Variants in OR14J1 observed in about 807,000 individuals in gnomAD.
OR14J1 encodes the protein olfactory receptor 14J1.
For synonymous variants in OR14J1, 140 were observed against 146.7 expected, an observed-to-expected ratio of 0.95 and a Z score of 0.33; for missense variants, 378 against 393.4, an observed-to-expected ratio of 0.96 and a Z score of 0.33.
In OR14J1 at chr6:29,312,401, T is replaced by C. The variant is rs771867847; in HGVS notation, c.*4746T>C. On this transcript the variant is annotated 3_prime_UTR_variant, in exon 2 of 2. Coordinates refer to ENST00000641895, the MANE Select transcript of OR14J1 (RefSeq NM_030946.2). ...ACTGTTCTGTGGTTTGCGAAATCCA[T>C]GGGAAAAGCGTAGTATCTGGGCTGG... 3.1e-4 allele frequency: 54 copies of C among 173,576 alleles called. 1 individual carries two copies. Among genetic ancestry groups the C allele is most frequent in the Non-Finnish European group, 3.4e-4 (29 of 84,948 alleles). 10.8% of individuals were successfully genotyped at this position (173,576 alleles called of 1,614,324 possible). A position where few individuals can be genotyped will look rare whatever the true frequency, so the allele number is the denominator to read the frequency against.
intron 1 of OR14J1, among the ~76,000 whole-genome samples, chr6:29,303,189 A>G (rs1170404018): frequency 6.6e-6 from 1 of 152,240 alleles, no homozygotes; most frequent in Non-Finnish European, 1.5e-5. Context: ...TGTCTTCTTT[A>G]AAAGGCACAG....
chr6:29,307,558 T>G lies in OR14J1; in HGVS notation c.869T>G (p.Leu290Ter). The change falls in exon 2 of 2, where the codon TTA becomes TGA. Residue 290 changes from leucine (L) to a stop codon, truncating the protein, a stop_gained. Transcript: ENST00000641895. LOFTEE classifies it low-confidence loss of function (END_TRUNC). ...ACACTCAATCCAGTCATTTATAGCT[T>G]ACGGAATGATTCCATGAAGGCAGCA... ...PPTLNPVIYS[L>*]RNDSMKAALR... 6.2e-7 allele frequency: 1 copy of G among 1,612,794 alleles called. No individual in the cohort carries two copies. Among genetic ancestry groups the G allele is most frequent in the Non-Finnish European group, 8.5e-7 (1 of 1,180,002 alleles).
rs759807793 is a variant in OR14J1, at chr6:29,307,560, C to CTT, written c.871_872insTT (p.Arg291LeufsTer6). The stretch of plus-strand genomic sequence containing the variant: ...ACTCAATCCAGTCATTTATAGCTTA[C>CTT]GGAATGATTCCATGAAGGCAGCACT... On this transcript the variant is annotated frameshift_variant, in exon 2 of 2. Coordinates refer to ENST00000641895, the MANE Select transcript of OR14J1 (RefSeq NM_030946.2). LOFTEE classifies it low-confidence loss of function (END_TRUNC). 1 of 1,612,606 alleles carries CTT rather than the reference C, an allele frequency of 6.2e-7. No individual in the cohort carries two copies. The highest frequency in any genetic ancestry group is 1.3e-5 in the African/African-American group (1 of 74,986).
At position 29,312,025 on chromosome 6, in the gene OR14J1, G is replaced by A. The variant is rs1775550845; in HGVS notation, c.*4370G>A. On this transcript the variant is annotated 3_prime_UTR_variant, in exon 2 of 2. Coordinates refer to ENST00000641895, the MANE Select transcript of OR14J1 (RefSeq NM_030946.2). Reference sequence around the variant, plus strand: ...GTCTTCTTTATTAGTCTGGCTAGCAGTCTACTTTGTTAATTATTTCAAAAA... The same window carrying A: ...GTCTTCTTTATTAGTCTGGCTAGCAATCTACTTTGTTAATTATTTCAAAAA... The A allele has an allele frequency of 6.6e-6, 1 of 151,982 alleles. No homozygotes were observed. The highest frequency in any genetic ancestry group is 1.5e-5 in the Non-Finnish European group (1 of 67,980). 9.4% of individuals were successfully genotyped at this position (151,982 alleles called of 1,614,324 possible).
chr6:29,305,731 AT>A (rs34286314), intron 1 of OR14J1, among the ~76,000 whole-genome samples: 14,559 of 149,448 alleles, frequency 0.097, 785 homozygotes, highest in South Asian at 0.14. Context: ...TCTGGTATAG[AT>A]TTTTTTTTTG....
chr6:29,304,651 T>G (rs1774957372), intron 1 of OR14J1, among the ~76,000 whole-genome samples: 1 of 152,176 alleles, frequency 6.6e-6, no homozygotes, highest in African/African-American at 2.4e-5. Flanking sequence ...AATTTTCCAT[T>G]TATTAATCAG....
chr6:29,309,226 T>A lies in OR14J1; in HGVS notation c.*1571T>A, dbSNP rs954877269. 4 of 152,206 alleles carry A rather than the reference T, an allele frequency of 2.6e-5. No individual in the cohort carries two copies. The highest frequency in any genetic ancestry group is 9.6e-5 in the African/African-American group (4 of 41,472). 9.4% of individuals were successfully genotyped at this position (152,206 alleles called of 1,614,324 possible). On this transcript the variant is annotated 3_prime_UTR_variant, in exon 2 of 2. Coordinates refer to ENST00000641895, the MANE Select transcript of OR14J1 (RefSeq NM_030946.2). ...AATCATCTTTTTTATGGCTGCATAG[T>A]ATTCCATAGTATTCCATGGGTGTAT...
At position 29,302,168 on chromosome 6, in the gene OR14J1, C is replaced by CTTTTTTTTTCT. The variant is rs1180735666; in HGVS notation, c.-29+390_-29+391insCTTTTTTTTTT. Among the ~76,000 whole-genome samples the CTTTTTTTTTCT allele has an allele frequency of 5.5e-3, 352 of 64,228 alleles. 5 individuals carry two copies. Among genetic ancestry groups the CTTTTTTTTTCT allele is most frequent in the African/African-American group, 0.015 (305 of 20,856 alleles). The allele number at this position is 64,228 out of a possible 152,430, so 42.1% of individuals were successfully genotyped here. ...AAACAAATGAGGGGAGATTTTTTTT[C>CTTTTTTTTTCT]TTTTTTTTTTCTTTTTTTTTTTTTT... On this transcript the variant is annotated intron_variant, in intron 1 of 1. Transcript: ENST00000641895.
rs139773321 is a variant in OR14J1, at chr6:29,307,486, C to T, written c.797C>T (p.Ser266Leu). 8.1e-6 allele frequency: 13 copies of T among 1,612,908 alleles called. No individual in the cohort carries two copies. Among genetic ancestry groups the T allele is most frequent in the South Asian group, 1.1e-5 (1 of 91,080 alleles). Reference sequence around the variant, plus strand: ...CTCAGACTGCCTTCTGATTCCTCATCGACTGTGGACCTTGTATTCTCCGTA... The same window carrying T: ...CTCAGACTGCCTTCTGATTCCTCATTGACTGTGGACCTTGTATTCTCCGTA... The part of the protein sequence containing the change: ...EFLRLPSDSS[S>L]TVDLVFSVFY... The change falls in exon 2 of 2, where the codon TCG becomes TTG. Residue 266 changes from serine to leucine, a missense_variant. Coordinates refer to ENST00000641895, the MANE Select transcript of OR14J1 (RefSeq NM_030946.2).
In OR14J1 at chr6:29,309,627, T is replaced by C. The variant is rs957533028; in HGVS notation, c.*1972T>C. On this transcript the variant is annotated 3_prime_UTR_variant, in exon 2 of 2. Coordinates refer to ENST00000641895, the MANE Select transcript of OR14J1 (RefSeq NM_030946.2). ...ATGGTTTTGATTCACATTTCTCTGA[T>C]AACCAGTGATGATGAGCTTTTTTTC... The C allele has an allele frequency of 6.6e-6, 1 of 152,226 alleles. No homozygotes were observed. Among genetic ancestry groups the C allele is most frequent in the African/African-American group, 2.4e-5 (1 of 41,450 alleles). 9.4% of individuals were successfully genotyped at this position (152,226 alleles called of 1,614,324 possible). A position where few individuals can be genotyped will look rare whatever the true frequency, so the allele number is the denominator to read the frequency against.
intron 1 of OR14J1, among the ~76,000 whole-genome samples, chr6:29,304,269 C>T (rs35569422): frequency 0.11 from 16,161 of 151,976 alleles, 973 homozygotes; most frequent in South Asian, 0.15. Context: ...ACCACTGAAC[C>T]TAAAAGAGAA....
At chr6:29,302,792 G>A (rs1343797791) in intron 1 of OR14J1, among the ~76,000 whole-genome samples, 1 of 152,164 alleles carries the variant, frequency 6.6e-6, no homozygotes, top group African/African-American at 2.4e-5. Context: ...CATTTGTCCT[G>A]GCAACAGCAT....
intron 1 of OR14J1, among the ~76,000 whole-genome samples, chr6:29,304,643 T>A (rs36067759): frequency 0.11 from 16,131 of 152,156 alleles, 973 homozygotes; most frequent in South Asian, 0.14. Context: ...AATGATGAAA[T>A]TTTCCATTTA....
In OR14J1 at chr6:29,307,537, T is replaced by C. The variant is rs756135978; in HGVS notation, c.848T>C (p.Leu283Pro). The change falls in exon 2 of 2, where the codon CTC becomes CCC. Residue 283 changes from leucine (L) to proline (P), a missense_variant. Leu to Pro is a moderately conservative substitution (Grantham distance 98, BLOSUM62 -3). Transcript: ENST00000641895. ...SVFYTVIPPTLNPVIYSLRND... is the reference protein window; with the variant it reads ...SVFYTVIPPTPNPVIYSLRND... ...TTCTATACTGTGATACCTCCAACAC[T>C]CAATCCAGTCATTTATAGCTTACGG... 6.2e-7 allele frequency: 1 copy of C among 1,612,880 alleles called. No homozygotes were observed. The highest frequency in any genetic ancestry group is 2.2e-5 in the East Asian group (1 of 44,874).
Position 29,307,045 on chromosome 6 carries a change from A to G in OR14J1, c.356A>G (p.Asp119Gly), listed in dbSNP as rs774137111. 22 of 1,613,058 alleles carry G rather than the reference A, an allele frequency of 1.4e-5. No individual in the cohort carries two copies. The South Asian group carries it at 2.4e-4, about 18-fold the overall frequency. Reference protein sequence around the residue: ...EVAILTVMSYDRYAAICQPLH... With the variant: ...EVAILTVMSYGRYAAICQPLH... Reference sequence around the variant, plus strand: ...GCCATTCTCACAGTGATGTCTTATGACAGGTACGCAGCAATCTGTCAACCA... The same window carrying G: ...GCCATTCTCACAGTGATGTCTTATGGCAGGTACGCAGCAATCTGTCAACCA... The change falls in exon 2 of 2, where the codon GAC becomes GGC. Residue 119 changes from aspartate to glycine, a missense_variant. By Grantham distance (94) the Asp-to-Gly change is moderately conservative (BLOSUM62 -1). Coordinates refer to ENST00000641895, the MANE Select transcript of OR14J1 (RefSeq NM_030946.2).
chr6:29,307,480 C>A lies in OR14J1; in HGVS notation c.791C>A (p.Ser264Tyr), dbSNP rs762205231. The A allele has an allele frequency of 3.1e-6, 5 of 1,612,912 alleles. No individual in the cohort carries two copies. Among genetic ancestry groups the A allele is most frequent in the Non-Finnish European group, 4.2e-6 (5 of 1,180,018 alleles). ...GFEFLRLPSD[S>Y]SSTVDLVFSV... ...GAGTTTCTCAGACTGCCTTCTGATT[C>A]CTCATCGACTGTGGACCTTGTATTC... Residue 264 changes from serine to tyrosine, a missense_variant, in exon 2 of 2, where the codon TCC (serine) becomes TAC (tyrosine). Transcript: ENST00000641895.
rs1484641018 is a variant in OR14J1, at chr6:29,311,622, C to T, written c.*3967C>T. 1.3e-5 allele frequency: 2 copies of T among 152,202 alleles called. No homozygotes were observed. The highest frequency in any genetic ancestry group is 2.4e-5 in the African/African-American group (1 of 41,436). 9.4% of individuals were successfully genotyped at this position (152,202 alleles called of 1,614,324 possible). A position where few individuals can be genotyped will look rare whatever the true frequency, so the allele number is the denominator to read the frequency against. On this transcript the variant is annotated 3_prime_UTR_variant, in exon 2 of 2. Transcript: ENST00000641895. The stretch of plus-strand genomic sequence containing the variant: ...TTTGGTATCAGGTTGATGCTGGCCT[C>T]ATAAAATGAGTTATGGAGGATTCCC...
rs1775280167 is a variant in OR14J1 at position 29,308,615 on chromosome 6, G to C, written c.*960G>C. 1 of 152,198 alleles carries C rather than the reference G, an allele frequency of 6.6e-6. No individual in the cohort carries two copies. Among genetic ancestry groups the C allele is most frequent in the South Asian group, 2.1e-4 (1 of 4,834 alleles). 9.4% of individuals were successfully genotyped at this position (152,198 alleles called of 1,614,324 possible). ...TGTGAGATAAGGAGGCACAAATCTT[G>C]TGAATCTGAATATCTGATTCAATTT... On this transcript the variant is annotated 3_prime_UTR_variant, in exon 2 of 2. Transcript: ENST00000641895.
Position 29,307,502 on chromosome 6 carries a change from AT to A in OR14J1, c.815del (p.Phe272SerfsTer7). 6.2e-7 allele frequency: 1 copy of A among 1,612,922 alleles called. No individual in the cohort carries two copies. The highest frequency in any genetic ancestry group is 8.5e-7 in the Non-Finnish European group (1 of 1,179,998). On this transcript the variant is annotated frameshift_variant, in exon 2 of 2. Coordinates refer to ENST00000641895, the MANE Select transcript of OR14J1 (RefSeq NM_030946.2). LOFTEE classifies it low-confidence loss of function (END_TRUNC). ...SDSSSTVDLV[F>X]SVFYTVIPPT... ...ATTCCTCATCGACTGTGGACCTTGT[AT>A]TCTCCGTATTCTATACTGTGATACC...
Sources: allele counts gnomAD v4.1 joint callset (sites outside exome capture counted in the v4.1 genomes callset), GRCh38; gene constraint gnomAD v4.1.1; transcripts MANE v1.5; gene names NCBI Gene and HGNC (gene_info 2026-07-23, HGNC 2026-07-21).